The following TBC1D4 variants were observed in gnomAD, a reference collection of about 807,000 sequenced individuals.
The protein encoded by TBC1D4 is TBC1 domain family member 4, also known as TBC (Tre-2, BUB2, CDC16) domain-containing protein.
Under a neutral mutation model 142.5 loss-of-function variants are expected in TBC1D4, and 121 were observed. That is an observed-to-expected ratio of 0.85 (90% CI 0.73 to 0.99). The LOEUF is 0.99. TBC1D4 is among the 50% of genes least tolerant of loss of function. TBC1D4 has a pLI of 0.00. For synonymous variants in TBC1D4, 630 were observed against 628.2 expected (o/e 1.00, Z -0.04); for missense variants, 1,475 against 1,606.6 (o/e 0.92, Z 1.40).
At chr13:75,344,930 C>T (rs1881026602) in intron 5 of TBC1D4, among the ~76,000 whole-genome samples, 1 of 152,130 alleles carries the variant, frequency 6.6e-6, no homozygotes, top group Non-Finnish European at 1.5e-5. Context: ...TAAATGTGAT[C>T]CTTCTTCCAG....
In TBC1D4 at chr13:75,362,223, A is replaced by C. The variant is rs1882585898; in HGVS notation, c.883T>G (p.Cys295Gly). 6 of 1,613,798 alleles carry C rather than the reference A, an allele frequency of 3.7e-6. No individual in the cohort carries two copies. The highest frequency in any genetic ancestry group is 5.1e-6 in the Non-Finnish European group (6 of 1,179,970). Residue 295 changes from cysteine (C) to glycine (G), a missense_variant, in exon 2 of 21, where the codon TGC (cysteine) becomes GGC (glycine). Transcript: ENST00000377636. This position sits in a 1 kb window ranked among gnomAD's most constrained non-coding sequence, Gnocchi z 4.2. The part of the protein sequence containing the change: ...SQPALTSSRV[C>G]FPERILEDSG... ...TCTTCCAAAATCCGCTCAGGGAAGC[A>C]GACCCGAGAGCTGGTCAGGGCAGGC...
At chr13:75,390,079 C>T (rs1369426868) in intron 1 of TBC1D4, among the ~76,000 whole-genome samples, 1 of 151,874 alleles carries the variant, frequency 6.6e-6, no homozygotes, top group East Asian at 1.9e-4. Context: ...AGTTCGAGAC[C>T]AGCCTGGCCA....
chr13:75,430,619 G>A (rs1886558245), intron 1 of TBC1D4, among the ~76,000 whole-genome samples: 1 of 152,170 alleles, frequency 6.6e-6, no homozygotes, highest in East Asian at 1.9e-4. Context: ...AGTACTCCAG[G>A]CTCATCGGGG....
chr13:75,469,917 G>C (rs1236160373), intron 1 of TBC1D4, among the ~76,000 whole-genome samples: 2 of 152,162 alleles, frequency 1.3e-5, no homozygotes, highest in African/African-American at 4.8e-5. Flanking sequence ...TGTCAAATAA[G>C]CATTTAAATA....
intron 15 of TBC1D4, chr13:75,302,646 C>G (rs573946709): frequency 1.8e-6 from 1 of 553,890 alleles, no homozygotes; most frequent in Non-Finnish European, 3.2e-6. Flanking sequence ...TAACATCACC[C>G]GTTGCTGACT....
intron 20 of TBC1D4, among the ~76,000 whole-genome samples, chr13:75,288,550 G>A (rs1332611517): frequency 1.3e-5 from 2 of 151,942 alleles, no homozygotes; most frequent in Non-Finnish European, 2.9e-5. Context: ...CTCCTACTCA[G>A]CCTGACTTAA....
chr13:75,341,501 C>T lies in TBC1D4; in HGVS notation c.1495G>A (p.Val499Ile). 4.3e-6 allele frequency: 7 copies of T among 1,613,728 alleles called. No homozygotes were observed. The highest frequency in any genetic ancestry group is 1.1e-5 in the South Asian group (1 of 91,062). The change falls in exon 6 of 21, where the codon GTT (valine) becomes ATT (isoleucine). Residue 499 changes from valine to isoleucine, a missense_variant. Val to Ile is a conservative substitution (Grantham distance 29, BLOSUM62 3). Transcript: ENST00000377636. ...DNEQADIFERVQKMKPVSDQE... is the reference protein window; with the variant it reads ...DNEQADIFERIQKMKPVSDQE... ...AGACCTACAAATAATGTTACCTGAA[C>T]TCTTTCAAAGATGTCAGCTTGCTCA...
intron 1 of TBC1D4, among the ~76,000 whole-genome samples, chr13:75,404,884 G>A (rs954526448): frequency 1.3e-5 from 2 of 152,080 alleles, no homozygotes; most frequent in Non-Finnish European, 2.9e-5. Context: ...AGAGAAATGG[G>A]GATGGTTACA....
chr13:75,379,190 G>A (rs1883680174), intron 1 of TBC1D4, among the ~76,000 whole-genome samples: 2 of 151,946 alleles, frequency 1.3e-5, no homozygotes, highest in Non-Finnish European at 2.9e-5. Context: ...GAAGCGAAAT[G>A]ACTAGCTCAA....
intron 1 of TBC1D4, among the ~76,000 whole-genome samples, chr13:75,443,784 G>A (rs1208682754): frequency 1.3e-5 from 2 of 152,152 alleles, no homozygotes; most frequent in East Asian, 3.9e-4. Context: ...TACCACAACT[G>A]CAGAGACCAG....
rs574726061 is a variant in TBC1D4 at position 75,312,985 on chromosome 13, A to T, written c.2223-87T>A. ...CCAACTGGTAGCACAAGCCATTCAC[A>T]AGTTCTGTCACGGGCAAGCACAAGC... On this transcript the variant is annotated intron_variant, in intron 12 of 20. Coordinates refer to ENST00000377636, the MANE Select transcript of TBC1D4 (RefSeq NM_014832.5). 16 of 1,491,956 alleles carry T rather than the reference A, an allele frequency of 1.1e-5. No individual in the cohort carries two copies. In the African/African-American group the frequency reaches 1.1e-4, roughly 10 times the overall value. 92.4% of individuals were successfully genotyped at this position (1,491,956 alleles called of 1,614,324 possible).
intron 1 of TBC1D4, among the ~76,000 whole-genome samples, chr13:75,406,958 A>G (rs1452301789): frequency 6.6e-6 from 1 of 152,202 alleles, no homozygotes; most frequent in African/African-American, 2.4e-5. Context: ...CCTAGTATTC[A>G]TACCCTAGTG....
intron 8 of TBC1D4, among the ~76,000 whole-genome samples, chr13:75,334,706 C>T (rs937676271): frequency 6.6e-6 from 1 of 151,984 alleles, no homozygotes; most frequent in African/African-American, 2.4e-5. Context: ...GCCTCAGCCT[C>T]CTGAGTAGCT....
chr13:75,346,858 T>A (rs986562729), intron 5 of TBC1D4, among the ~76,000 whole-genome samples: 17 of 152,192 alleles, frequency 1.1e-4, no homozygotes, highest in African/African-American at 4.1e-4. Flanking sequence ...CACTCAACAA[T>A]ACAATTTTAA....
intron 1 of TBC1D4, among the ~76,000 whole-genome samples, chr13:75,471,156 A>T (rs1888383145): frequency 6.7e-6 from 1 of 150,268 alleles, no homozygotes; most frequent in Admixed American, 6.7e-5. Flanking sequence ...TTAATTTTTA[A>T]ATATATATAT....
At chr13:75,363,331 C>T (rs1396404340) in intron 1 of TBC1D4, among the ~76,000 whole-genome samples, 1 of 152,182 alleles carries the variant, frequency 6.6e-6, no homozygotes, top group Non-Finnish European at 1.5e-5. Flanking sequence ...TCCCAATACC[C>T]TGTGAAAGGA....
Position 75,306,532 on chromosome 13 carries a change from TTTGA to T in TBC1D4, c.2594-65_2594-62del, listed in dbSNP as rs1039008892. On this transcript the variant is annotated intron_variant, in intron 14 of 20. Transcript: ENST00000377636. ...TTTTTCAAATGTAAAACTTTAGACG[TTTGA>T]TTGTATTTGTAAAACCATACCAAAT... 70 of 1,579,946 alleles carry T rather than the reference TTTGA, an allele frequency of 4.4e-5. 1 individual carries two copies. The highest frequency in any genetic ancestry group is 3.9e-5 in the Non-Finnish European group (45 of 1,156,172).
intron 16 of TBC1D4, among the ~76,000 whole-genome samples, chr13:75,301,441 A>C (rs1876532854): frequency 6.6e-6 from 1 of 152,010 alleles, no homozygotes; most frequent in South Asian, 2.1e-4. Flanking sequence ...GGAGATTGAG[A>C]CCATCCTGGC....
At chr13:75,365,718 G>A (rs1275554584) in intron 1 of TBC1D4, among the ~76,000 whole-genome samples, 1 of 152,036 alleles carries the variant, frequency 6.6e-6, no homozygotes, top group African/African-American at 2.4e-5. Context: ...TCTTTCTCCT[G>A]TACCATCGTA....
Sources: gnomAD v4.1 joint callset for allele counts (sites outside exome capture counted in the v4.1 genomes callset) on GRCh38, gnomAD v4.1.1 for gene constraint, Gnocchi (gnomAD v3.1) non-coding constraint, MANE v1.5 for transcripts, NCBI Gene and HGNC (gene_info 2026-07-23, HGNC 2026-07-21) for gene names.